Variants in MYLK observed in about 807,000 individuals in gnomAD.
MYLK encodes myosin light chain kinase, smooth muscle.
Under a neutral mutation model 203.4 loss-of-function variants are expected in MYLK, and 106 were observed. The observed-to-expected ratio is 0.52, with a 90% confidence interval of 0.45 to 0.61. MYLK has a LOEUF of 0.61. MYLK is among the 20% of genes least tolerant of loss of function. The pLI is 0.00. For synonymous variants in MYLK, 867 were observed against 959.5 expected (o/e 0.90, Z 1.78); for missense variants, 2,072 against 2,442.3 (o/e 0.85, Z 3.20).
chr3:123,727,741 G>A (rs1196411058), intron 11 of MYLK, among the ~76,000 whole-genome samples: 1 of 152,050 alleles, frequency 6.6e-6, no homozygotes, highest in Non-Finnish European at 1.5e-5. Flanking sequence ...TCAGCATAGG[G>A]ACAACTACAG....
chr3:123,733,775 G>T lies in MYLK; in HGVS notation c.1221C>A (p.Gly407=), dbSNP rs765175526. The part of the protein sequence containing the change: ...KAANRRIPME[G]QRDSAFPKFE... The stretch of plus-strand genomic sequence containing the variant: ...ATTTGGGGAATGCTGAATCCCTCTG[G>T]CCCTCCATGGGGATTCTCCTGTTAG... Residue 407 remains glycine (G), a synonymous_variant, in exon 10 of 34, where the codon GGC becomes GGA. Transcript: ENST00000360304. 5 of 1,614,190 alleles carry T rather than the reference G, an allele frequency of 3.1e-6. No individual in the cohort carries two copies. The highest frequency in any genetic ancestry group is 1.6e-4 in the Middle Eastern group (1 of 6,062).
intron 13 of MYLK, among the ~76,000 whole-genome samples, chr3:123,718,082 G>A (rs1180680595): frequency 1.4e-4 from 22 of 152,026 alleles, no homozygotes; most frequent in Non-Finnish European, 2.6e-4. Context: ...AGGTGGTCTC[G>A]AACTCCTCGG....
intron 3 of MYLK, among the ~76,000 whole-genome samples, chr3:123,805,961 TAGTC>T (rs1366166770): frequency 3.9e-5 from 6 of 152,258 alleles, no homozygotes; most frequent in Non-Finnish European, 8.8e-5. Context: ...AATTTGATAA[TAGTC>T]AGTTATGATG....
chr3:123,851,370 C>T (rs2148667334), intron 2 of MYLK, among the ~76,000 whole-genome samples: 1 of 152,232 alleles, frequency 6.6e-6, no homozygotes, highest in East Asian at 1.9e-4. Context: ...TTCTTCCTAC[C>T]CATAAGCATG....
At position 123,638,014 on chromosome 3, in the gene MYLK, C is replaced by T. The variant is rs1400721635; in HGVS notation, c.4961+57G>A. ...GGGACCCTCCTGTGGAACCCTCAGCCCCCACCCACTGGTCCACCAAGTGGT... is the reference window on the plus strand; with the variant it reads ...GGGACCCTCCTGTGGAACCCTCAGCTCCCACCCACTGGTCCACCAAGTGGT... On this transcript the variant is annotated intron_variant, in intron 29 of 33. Coordinates refer to ENST00000360304, the MANE Select transcript of MYLK (RefSeq NM_053025.4). The T allele has an allele frequency of 1.9e-6, 3 of 1,611,554 alleles. No individual in the cohort carries two copies. The African/African-American group carries it at 4.0e-5, about 22-fold the overall frequency.
rs568619953 is a variant in MYLK at position 123,752,454 on chromosome 3, C to T, written c.250G>A (p.Gly84Ser). Residue 84 changes from glycine to serine, a missense_variant, in exon 5 of 34, where the codon GGC (glycine) becomes AGC (serine). By Grantham distance (56) the Gly-to-Ser change is moderately conservative (BLOSUM62 0). This residue lies in a region of MYLK where 683 missense variants were observed against 643.8 expected (regional missense o/e 1.06). Transcript: ENST00000360304. ...TSGGRFLLDC[G>S]IRGTFSLVIH... ...ACAAGGCTGAAAGTCCCCCGGATGC[C>T]GCAATCCAGCAGGAAGCGGCCCCCG... 5.2e-5 allele frequency: 84 copies of T among 1,614,154 alleles called. No homozygotes were observed. The highest frequency in any genetic ancestry group is 7.7e-5 in the South Asian group (7 of 91,074).
At chr3:123,649,315 G>T (rs1266201675) in intron 24 of MYLK, 121 bp from the exon 25 acceptor site, 3 of 1,299,878 alleles carry the variant, frequency 2.3e-6, no homozygotes, top group African/African-American at 2.9e-5. Flanking sequence ...CGACTACCAG[G>T]TCCAGAGCTC....
At chr3:123,630,604 A>G (rs894444352) in intron 29 of MYLK, 1 of 152,220 alleles carries the variant, frequency 6.6e-6, no homozygotes, top group African/African-American at 2.4e-5. Flanking sequence ...CTTAAATGCT[A>G]TACTATCCTA....
intron 4 of MYLK, among the ~76,000 whole-genome samples, chr3:123,758,925 G>A (rs932714362): frequency 6.6e-6 from 1 of 152,020 alleles, no homozygotes. Flanking sequence ...CCTGGGCTCA[G>A]GTGATTCTCC....
At chr3:123,721,973 G>T (rs2062104939) in intron 13 of MYLK, among the ~76,000 whole-genome samples, 155 bp downstream of exon 13, 1 of 152,072 alleles carries the variant, frequency 6.6e-6, no homozygotes, top group African/African-American at 2.4e-5. Context: ...CTCTGTCACG[G>T]CACCTGCCGC....
At chr3:123,738,772 T>C (rs1030449200) in intron 7 of MYLK, 125 bp downstream of exon 7, 2 of 1,296,480 alleles carry the variant, frequency 1.5e-6, no homozygotes, top group Admixed American at 2.0e-5. Context: ...TCCCCAGCCA[T>C]GTGGAACGGT....
chr3:123,734,508 A>C, intron 9 of MYLK: 1 of 355,068 alleles, frequency 2.8e-6, no homozygotes. Flanking sequence ...AACCTCTGCC[A>C]CCGGTGTCCC....
chr3:123,737,160 A>G (rs1264184401), intron 8 of MYLK: 8 of 560,454 alleles, frequency 1.4e-5, no homozygotes, highest in Admixed American at 6.2e-5. Flanking sequence ...CGGAGGTTGC[A>G]GTGAGCTGAG....
rs878855176 is a variant in MYLK, at chr3:123,737,521, C to T, written c.611G>A (p.Ser204Asn). The change falls in exon 8 of 34, where the codon AGT becomes AAT. Residue 204 changes from serine to asparagine, a missense_variant. Physicochemically the swap from Ser to Asn is conservative, Grantham distance 46. Around this residue, in one of 3 missense-constraint regions of MYLK, gnomAD observed 683 missense variants for 643.8 expected, o/e 1.06. Coordinates refer to ENST00000360304, the MANE Select transcript of MYLK (RefSeq NM_053025.4). ...CTTCTCAGACACAGACACACGGGCA[C>T]TCGGCTGCAGTGGAACATTTCCCTG... Reference protein sequence around the residue: ...WLKGNVPLQPSARVSVSEKNG... With the variant: ...WLKGNVPLQPNARVSVSEKNG... The T allele has an allele frequency of 2.5e-6, 4 of 1,614,198 alleles. No individual in the cohort carries two copies. Among genetic ancestry groups the T allele is most frequent in the Non-Finnish European group, 3.4e-6 (4 of 1,180,042 alleles).
intron 20 of MYLK, 62 bp downstream of exon 20, chr3:123,682,162 C>T (rs1238026529): frequency 1.5e-6 from 2 of 1,353,318 alleles, no homozygotes; most frequent in Non-Finnish European, 2.1e-6. Context: ...AGGCTGCCCT[C>T]AGTCCCCGGG....
chr3:123,879,406 G>GTTCC (rs1199490250), intron 1 of MYLK, among the ~76,000 whole-genome samples: 1 of 152,050 alleles, frequency 6.6e-6, no homozygotes, highest in African/African-American at 2.4e-5. Flanking sequence ...GGAGCCAAAT[G>GTTCC]TTCCTGCCTT....
At chr3:123,703,871 C>T (rs562259839) in intron 16 of MYLK, among the ~76,000 whole-genome samples, 1 of 152,358 alleles carries the variant, frequency 6.6e-6, no homozygotes, top group East Asian at 1.9e-4. Context: ...ACCAGTAGAA[C>T]ACAGCCCAGA....
At chr3:123,783,112 T>C (rs1162967957) in intron 4 of MYLK, among the ~76,000 whole-genome samples, 1 of 151,858 alleles carries the variant, frequency 6.6e-6, no homozygotes, top group Non-Finnish European at 1.5e-5. Flanking sequence ...TACAAACTAG[T>C]TCCTTTTTTG....
At chr3:123,675,513 T>C (rs116675802) in intron 20 of MYLK, among the ~76,000 whole-genome samples, 511 of 152,282 alleles carry the variant, frequency 3.4e-3, no homozygotes, top group Non-Finnish European at 5.2e-3. Flanking sequence ...GTGCAGAGCC[T>C]GAAGGTGGGT....
Sources: gnomAD v4.1 joint callset for allele counts (sites outside exome capture counted in the v4.1 genomes callset) on GRCh38, gnomAD v4.1.1 for gene constraint, gnomAD v4.1.1 regional missense constraint, MANE v1.5 for transcripts, NCBI Gene and HGNC (gene_info 2026-07-23, HGNC 2026-07-21) for gene names.